Variants in NCKAP5 observed in about 807,000 individuals in gnomAD.
NCKAP5 encodes NCK associated protein 5.
Under a neutral mutation model 167.0 loss-of-function variants are expected in NCKAP5, and 92 were observed. That is an observed-to-expected ratio of 0.55 (90% CI 0.47 to 0.66). The LOEUF (loss-of-function observed/expected upper bound fraction) is 0.66. Ranked by LOEUF, NCKAP5 falls within the 30% of genes least tolerant of loss-of-function variation. NCKAP5 has a pLI of 0.00. For synonymous variants in NCKAP5, 891 were observed against 877.4 expected (o/e 1.02, Z -0.27); for missense variants, 2,378 against 2,315.0 (o/e 1.03, Z -0.56).
intron 5 of NCKAP5, among the ~76,000 whole-genome samples, chr2:133,211,813 G>GGGAACA: frequency 6.6e-6 from 1 of 152,022 alleles, no homozygotes; most frequent in African/African-American, 2.4e-5. Flanking sequence ...GTCATTTTTT[G>GGGAACA]AGCAACTGGG....
At chr2:132,809,521 C>A (rs1012420575) in intron 11 of NCKAP5, among the ~76,000 whole-genome samples, 1 of 116,548 alleles carries the variant, frequency 8.6e-6, no homozygotes, top group African/African-American at 5.0e-5. Context: ...TATATAATGT[C>A]TCTCTTTGTC....
At chr2:133,195,745 A>G (rs921338657) in intron 5 of NCKAP5, among the ~76,000 whole-genome samples, 3 of 152,210 alleles carry the variant, frequency 2.0e-5, no homozygotes, top group Admixed American at 2.0e-4. Context: ...AATTCAACCC[A>G]TAAGAGAAGC....
At position 133,149,471 on chromosome 2, in the gene NCKAP5, C is replaced by T. The variant is rs75781506; in HGVS notation, c.208-19360G>A. Reference sequence around the variant, plus strand: ...CCCCACCCCCACCACACAAACAGCTCTTCTCTACTGAGAGCCTCTCATTTG... The same window carrying T: ...CCCCACCCCCACCACACAAACAGCTTTTCTCTACTGAGAGCCTCTCATTTG... On this transcript the variant is annotated intron_variant, in intron 5 of 19. Transcript: ENST00000409261. Among the ~76,000 whole-genome samples, 21 of 150,548 alleles carry T rather than the reference C, an allele frequency of 1.4e-4. No individual in the cohort carries two copies. The East Asian group carries it at 4.2e-3, about 30-fold the overall frequency.
chr2:133,494,496 T>C (rs1226766730), intron 3 of NCKAP5, among the ~76,000 whole-genome samples: 2 of 152,176 alleles, frequency 1.3e-5, no homozygotes, highest in East Asian at 1.9e-4. Flanking sequence ...TCCATACTTC[T>C]GTCTGTACAC....
chr2:133,624,484 C>T, the NCKAP5 span, among the ~76,000 whole-genome samples: 11 of 151,928 alleles, frequency 7.2e-5, no homozygotes, highest in South Asian at 4.1e-4. Context: ...GTAAGACCAC[C>T]GCACACCAGT....
chr2:133,318,192 G>A (rs909448302), intron 3 of NCKAP5, among the ~76,000 whole-genome samples: 1 of 152,040 alleles, frequency 6.6e-6, no homozygotes, highest in Non-Finnish European at 1.5e-5. Context: ...ATCATACAGG[G>A]AAGATTTTAG....
chr2:133,208,523 AC>A (rs1197097766), intron 5 of NCKAP5, among the ~76,000 whole-genome samples: 1 of 152,196 alleles, frequency 6.6e-6, no homozygotes, highest in African/African-American at 2.4e-5. Flanking sequence ...TCTTAAAACT[AC>A]CAAGTTGTCA....
At chr2:133,583,089 G>A in the NCKAP5 span, among the ~76,000 whole-genome samples, 3,689 of 151,886 alleles carry the variant, frequency 0.024, 52 homozygotes, top group African/African-American at 0.038. Context: ...TCTTGGAATT[G>A]ATCAAAAGGA....
intron 5 of NCKAP5, among the ~76,000 whole-genome samples, chr2:133,130,552 T>G (rs1280556204): frequency 6.6e-6 from 1 of 152,218 alleles, no homozygotes; most frequent in Non-Finnish European, 1.5e-5. Context: ...GGACCAAAAA[T>G]TTCAAGTTAA....
intron 11 of NCKAP5, among the ~76,000 whole-genome samples, chr2:132,832,924 C>G (rs568429452): frequency 6.6e-6 from 1 of 152,062 alleles, no homozygotes; most frequent in East Asian, 1.9e-4. Flanking sequence ...TTTATGGTAG[C>G]TTTATTTTTA....
chr2:133,664,243 A>C, the NCKAP5 span, among the ~76,000 whole-genome samples: 1 of 152,118 alleles, frequency 6.6e-6, no homozygotes, highest in Non-Finnish European at 1.5e-5. Flanking sequence ...ACTGTCATTC[A>C]GACTTCATTA....
At chr2:133,111,293 C>T (rs1489541243) in intron 6 of NCKAP5, among the ~76,000 whole-genome samples, 1 of 152,144 alleles carries the variant, frequency 6.6e-6, no homozygotes. Context: ...TGTAGACCTG[C>T]CATATACCCA....
At chr2:133,463,000 T>C (rs1455732111) in intron 3 of NCKAP5, among the ~76,000 whole-genome samples, 1 of 152,238 alleles carries the variant, frequency 6.6e-6, no homozygotes, top group Non-Finnish European at 1.5e-5. Flanking sequence ...CTGCGTTTTA[T>C]GTGAACTCTG....
rs571569743 is a variant in NCKAP5, at chr2:133,205,679, A to T, written c.207+8037T>A. ...AAACCTTCTTGGGATTCTCATTAAGATTATACTGAAAGCATAAATCATTTG... is the reference window on the plus strand; with the variant it reads ...AAACCTTCTTGGGATTCTCATTAAGTTTATACTGAAAGCATAAATCATTTG... On this transcript the variant is annotated intron_variant, in intron 5 of 19. Coordinates refer to ENST00000409261, the MANE Select transcript of NCKAP5 (RefSeq NM_207363.3). Among the ~76,000 whole-genome samples, 9 of 152,278 alleles carry T rather than the reference A, an allele frequency of 5.9e-5. No individual in the cohort carries two copies. The East Asian group carries it at 1.5e-3, about 26-fold the overall frequency.
At chr2:132,748,242 C>T (rs990634633) in intron 16 of NCKAP5, among the ~76,000 whole-genome samples, 1 of 152,150 alleles carries the variant, frequency 6.6e-6, no homozygotes, top group Non-Finnish European at 1.5e-5. Context: ...TTCTCTATAC[C>T]TCCAACCACC....
intron 11 of NCKAP5, among the ~76,000 whole-genome samples, chr2:132,818,830 T>G (rs1686486367): frequency 6.6e-6 from 1 of 152,226 alleles, no homozygotes; most frequent in Admixed American, 6.5e-5. Context: ...CCAACAGAAA[T>G]TACAGACATT....
the NCKAP5 span, among the ~76,000 whole-genome samples, chr2:133,631,504 C>T: frequency 6.6e-6 from 1 of 152,146 alleles, no homozygotes; most frequent in East Asian, 1.9e-4. Flanking sequence ...ATTTAAATGG[C>T]CATGTACCTT....
At chr2:133,435,353 A>G (rs1333198980) in intron 3 of NCKAP5, among the ~76,000 whole-genome samples, 1 of 152,350 alleles carries the variant, frequency 6.6e-6, no homozygotes, top group African/African-American at 2.4e-5. Flanking sequence ...TTTAGTAGTC[A>G]TATCACTCAC....
chr2:133,555,214 G>A (rs149709687), intron 2 of NCKAP5, among the ~76,000 whole-genome samples: 3,424 of 152,134 alleles, frequency 0.023, 67 homozygotes, highest in Non-Finnish European at 0.028. Flanking sequence ...TTCTTCCACC[G>A]ACTAACATAT....
Sources: gnomAD v4.1 joint callset for allele counts (sites outside exome capture counted in the v4.1 genomes callset) on GRCh38, gnomAD v4.1.1 for gene constraint, MANE v1.5 for transcripts, NCBI Gene and HGNC (gene_info 2026-07-23, HGNC 2026-07-21) for gene names.